The following WDR33 variants were observed in gnomAD, a reference collection of about 807,000 sequenced individuals.
WDR33 encodes pre-mRNA 3' end processing protein WDR33.
In WDR33, 47 loss-of-function variants were observed where a neutral mutation model predicts 164.9. That is an observed-to-expected ratio of 0.29 (90% CI 0.23 to 0.36). WDR33 has a LOEUF of 0.36. WDR33 is among the 10% of genes least tolerant of loss of function. The pLI is 1.00. For synonymous variants in WDR33, 505 were observed against 589.0 expected (o/e 0.86, Z 2.06); for missense variants, 1,137 against 1,754.1 (o/e 0.65, Z 6.28).
chr2:127,756,854 G>A (rs1687535605), intron 7 of WDR33, among the ~76,000 whole-genome samples: 1 of 152,028 alleles, frequency 6.6e-6, no homozygotes, highest in African/African-American at 2.4e-5. Flanking sequence ...GGCCAAGTTG[G>A]GCAGATCACC....
At chr2:127,800,514 G>A (rs768554515) in intron 1 of WDR33, among the ~76,000 whole-genome samples, 18 of 151,938 alleles carry the variant, frequency 1.2e-4, no homozygotes, top group Non-Finnish European at 2.1e-4. Context: ...GAGGGCGCCT[G>A]TAGTCCCAAC....
At position 127,765,177 on chromosome 2, in the gene WDR33, T is replaced by C; in HGVS notation, c.471A>G (p.Leu157=). 6.2e-7 allele frequency: 1 copy of C among 1,613,194 alleles called. No homozygotes were observed. The highest frequency in any genetic ancestry group is 1.1e-5 in the South Asian group (1 of 90,984). ...ACCATCTGGTGATTATCATTACCTG[T>C]AATATTGTTTCAAAATTGAAAGTGA... ...NGLTFNFETI[L]QAHDSPVRAM... Residue 157 remains leucine (L), a synonymous_variant, in exon 5 of 22, where the codon TTA becomes TTG. Transcript: ENST00000322313.
At chr2:127,789,105 C>T (rs1688749022) in intron 1 of WDR33, among the ~76,000 whole-genome samples, 4 of 38,846 alleles carry the variant, frequency 1.0e-4, no homozygotes, top group Non-Finnish European at 1.7e-4. Context: ...AGACGATGGG[C>T]GGCCGGGCAG....
At position 127,710,899 on chromosome 2, in the gene WDR33, A is replaced by G. The variant is rs1686145233; in HGVS notation, c.3309-1043T>C. ...ACATCCCAGATCCTCCACCCAGATC[A>G]ATCCCTTCTTAATATTTTGCCACAC... is the stretch of plus-strand genomic sequence containing the variant. On this transcript the variant is annotated intron_variant, in intron 18 of 21. Transcript: ENST00000322313. This position sits in a 1 kb window ranked among gnomAD's most constrained non-coding sequence, Gnocchi z 4.4. Among the ~76,000 whole-genome samples the G allele has an allele frequency of 6.6e-6, 1 of 152,200 alleles. No individual in the cohort carries two copies. Among genetic ancestry groups the G allele is most frequent in the South Asian group, 2.1e-4 (1 of 4,828 alleles).
At chr2:127,772,443 A>C (rs1009961093) in intron 1 of WDR33, among the ~76,000 whole-genome samples, 9 of 152,102 alleles carry the variant, frequency 5.9e-5, no homozygotes, top group Non-Finnish European at 1.0e-4. Flanking sequence ...TCTTAAAAAA[A>C]AAAATTCCAC....
intron 2 of WDR33, among the ~76,000 whole-genome samples, chr2:127,769,483 GTCCCCACC>G (rs1687929407): frequency 6.6e-6 from 1 of 151,736 alleles, no homozygotes. Flanking sequence ...TATCATATTA[GTCCCCACC>G]CACTCATCCA....
rs372268284 is a variant in WDR33, at chr2:127,709,713, C to T, written c.3452G>A (p.Arg1151Gln). Reference protein sequence around the residue: ...EAARGRDLRGRGRGTPRGGRK... With the variant: ...EAARGRDLRGQGRGTPRGGRK... ...CTCACCTCGTGGGGTACCCCGACCTCGACCTCTGAGATCTCGTCCTCGGGC... is the reference window on the plus strand; with the variant it reads ...CTCACCTCGTGGGGTACCCCGACCTTGACCTCTGAGATCTCGTCCTCGGGC... Residue 1151 changes from arginine (R) to glutamine (Q), a missense_variant, in exon 19 of 22, where the codon CGA (arginine) becomes CAA (glutamine). Physicochemically the swap from Arg to Gln is conservative, Grantham distance 43 (BLOSUM62 1). Coordinates refer to ENST00000322313, the MANE Select transcript of WDR33 (RefSeq NM_018383.5). This position sits in a 1 kb window ranked among gnomAD's most constrained non-coding sequence, Gnocchi z 5.0. 1.2e-5 allele frequency: 19 copies of T among 1,614,128 alleles called. No individual in the cohort carries two copies. In the African/African-American group the frequency reaches 1.6e-4, roughly 14 times the overall value.
chr2:127,730,813 T>A (rs1686683454), intron 7 of WDR33, among the ~76,000 whole-genome samples: 1 of 152,186 alleles, frequency 6.6e-6, no homozygotes, highest in Non-Finnish European at 1.5e-5. Context: ...AAGATGAACT[T>A]CTATCCACAT....
Position 127,701,642 on chromosome 2 carries a change from G to A in WDR33, c.*4681C>T. 2 of 1,307,492 alleles carry A rather than the reference G, an allele frequency of 1.5e-6. No individual in the cohort carries two copies. The highest frequency in any genetic ancestry group is 1.9e-6 in the Non-Finnish European group (2 of 1,033,064). 81.0% of individuals were successfully genotyped at this position (1,307,492 alleles called of 1,614,324 possible). A position where few individuals can be genotyped will look rare whatever the true frequency, so the allele number is the denominator to read the frequency against. Reference sequence around the variant, plus strand: ...AGAAGGCGGAGGAGCCCGGGGACCGGCCGGCGGAGGAGTGGCTGGGCCGCG... The same window carrying A: ...AGAAGGCGGAGGAGCCCGGGGACCGACCGGCGGAGGAGTGGCTGGGCCGCG... On this transcript the variant is annotated 3_prime_UTR_variant, in exon 22 of 22. Transcript: ENST00000322313.
chr2:127,708,612 G>A lies in WDR33; in HGVS notation c.3781+65C>T. 1 of 1,492,636 alleles carries A rather than the reference G, an allele frequency of 6.7e-7. No individual in the cohort carries two copies. Among genetic ancestry groups the A allele is most frequent in the South Asian group, 1.3e-5 (1 of 75,132 alleles). The allele number at this position is 1,492,636 out of a possible 1,614,324, so 92.5% of individuals were successfully genotyped here. On this transcript the variant is annotated intron_variant, in intron 21 of 21. Coordinates refer to ENST00000322313, the MANE Select transcript of WDR33 (RefSeq NM_018383.5). This position sits in a 1 kb window ranked among gnomAD's most constrained non-coding sequence, Gnocchi z 6.7. ...CCAGGCTGCAAGGGCATGTGCAGCA[G>A]ATACAGGCAAGGCCTCCATCGGCCC...
At chr2:127,746,781 C>G (rs193262290) in intron 7 of WDR33, among the ~76,000 whole-genome samples, 3 of 152,290 alleles carry the variant, frequency 2.0e-5, no homozygotes, top group Admixed American at 1.3e-4. Context: ...ATAATTTCTT[C>G]TTTGTCACTT....
chr2:127,734,857 C>G (rs145880706), intron 7 of WDR33, among the ~76,000 whole-genome samples: 1 of 152,176 alleles, frequency 6.6e-6, no homozygotes, highest in Non-Finnish European at 1.5e-5. Flanking sequence ...AAACTCTCTC[C>G]CCCTTTTAAA....
chr2:127,758,914 C>T (rs1272435147), intron 7 of WDR33, among the ~76,000 whole-genome samples: 1 of 151,926 alleles, frequency 6.6e-6, no homozygotes, highest in African/African-American at 2.4e-5. Flanking sequence ...ATATAGGATA[C>T]TCGTTGTTTA....
chr2:127,801,522 CAAA>C (rs78069448), intron 1 of WDR33, among the ~76,000 whole-genome samples: 26 of 136,672 alleles, frequency 1.9e-4, no homozygotes, highest in Admixed American at 1.3e-3. Flanking sequence ...AAACACACAA[CAAA>C]AAAAAAAAAA....
rs1003176912 is a variant in WDR33 at position 127,737,450 on chromosome 2, AATATATACAGTC to A, written c.725-10685_725-10674del. 8 of 985,592 alleles carry A rather than the reference AATATATACAGTC, an allele frequency of 8.1e-6. No individual in the cohort carries two copies. In the African/African-American group the frequency reaches 1.0e-4, roughly 13 times the overall value. The allele number at this position is 985,592 out of a possible 1,614,324, so 61.1% of individuals were successfully genotyped here. ...CTGCAGATATTCACAATTCAGTAAC[AATATATACAGTC>A]AAGAAAAGCAGTATATAGTCATCAC... is the stretch of plus-strand genomic sequence containing the variant. On this transcript the variant is annotated intron_variant, in intron 7 of 21. Transcript: ENST00000322313.
chr2:127,762,012 T>C (rs916267346), intron 7 of WDR33, among the ~76,000 whole-genome samples: 3 of 152,196 alleles, frequency 2.0e-5, no homozygotes, highest in Admixed American at 6.5e-5. Flanking sequence ...ATCAACATTA[T>C]ATGCTACAGC....
In WDR33 at chr2:127,765,156, T is replaced by C; in HGVS notation, c.474+18A>G. On this transcript the variant is annotated intron_variant, in intron 5 of 21. Transcript: ENST00000322313. ...ACAGTACCACAGGATGATGATACCATCTGGTGATTATCATTACCTGTAATA... is the reference window on the plus strand; with the variant it reads ...ACAGTACCACAGGATGATGATACCACCTGGTGATTATCATTACCTGTAATA... The C allele has an allele frequency of 1.9e-6, 3 of 1,599,032 alleles. No homozygotes were observed. The highest frequency in any genetic ancestry group is 2.2e-5 in the East Asian group (1 of 44,828).
rs72846240 is a variant in WDR33 at position 127,709,899 on chromosome 2, T to C, written c.3309-43A>G. The C allele has an allele frequency of 0.084, 133,641 of 1,597,670 alleles. 6,309 individuals carry two copies. Among genetic ancestry groups the C allele is most frequent in the Middle Eastern group, 0.14 (788 of 5,728 alleles). ...CAGAATGTCCATCTCAGAGAACACC[T>C]TGCCACTCTAAGTTCATGTTTCAAA... On this transcript the variant is annotated intron_variant, in intron 18 of 21. Transcript: ENST00000322313. This position sits in a 1 kb window ranked among gnomAD's most constrained non-coding sequence, Gnocchi z 5.0.
At chr2:127,762,566 G>A (rs902734970) in intron 7 of WDR33, 98 of 981,318 alleles carry the variant, frequency 1.0e-4, no homozygotes, top group African/African-American at 7.3e-5. Flanking sequence ...AATGCCACCC[G>A]AACTTAGTAA....
Sources: gnomAD v4.1 joint callset for allele counts (sites outside exome capture counted in the v4.1 genomes callset) on GRCh38, gnomAD v4.1.1 for gene constraint, Gnocchi (gnomAD v3.1) non-coding constraint, MANE v1.5 for transcripts, NCBI Gene and HGNC (gene_info 2026-07-23, HGNC 2026-07-21) for gene names.